The following CTDSP2 variants were observed in gnomAD, a reference collection of about 807,000 sequenced individuals.
CTDSP2 encodes the protein CTD small phosphatase 2, also known as carboxy-terminal domain RNA polymerase II polypeptide A small phosphatase 2.
A neutral mutation model predicts 31.6 loss-of-function variants in CTDSP2; 9 were observed. The ratio of observed to expected loss-of-function variants is 0.28; its 90% CI spans 0.17 to 0.50. The LOEUF (loss-of-function observed/expected upper bound fraction) is 0.50. CTDSP2 is among the 20% of genes least tolerant of loss of function. The pLI, the probability that CTDSP2 is intolerant of heterozygous loss-of-function variation, is 0.98. For missense variants in CTDSP2, 267 were observed against 348.5 expected (o/e 0.77, Z 1.86); for synonymous variants, 134 against 134.5 (o/e 1.00, Z 0.03).
intron 4 of CTDSP2, 50 bp downstream of exon 4, chr12:57,826,946 C>A: frequency 7.1e-7 from 1 of 1,401,262 alleles, no homozygotes; most frequent in South Asian, 1.2e-5. Flanking sequence ...TTGCCAGATT[C>A]ACAAGAAGGC....
At chr12:57,843,196 G>C (rs888745656) in intron 1 of CTDSP2, among the ~76,000 whole-genome samples, 2 of 152,228 alleles carry the variant, frequency 1.3e-5, no homozygotes, top group Non-Finnish European at 2.9e-5. Context: ...GGAGGTTACA[G>C]CGTGGGTCTT....
At position 57,826,328 on chromosome 12, in the gene CTDSP2, G is replaced by A. The variant is rs1478180441; in HGVS notation, c.411+18C>T. 4.3e-6 allele frequency: 7 copies of A among 1,613,176 alleles called. No homozygotes were observed. Among genetic ancestry groups the A allele is most frequent in the African/African-American group, 4.0e-5 (3 of 74,904 alleles). On this transcript the variant is annotated intron_variant, in intron 5 of 7. Transcript: ENST00000398073. ...CCCCCCACCCTCTGGGCTGGGTGTG[G>A]TCTGGCTGGCAGCTCACCTGGTGAG...
intron 1 of CTDSP2, among the ~76,000 whole-genome samples, chr12:57,840,347 T>G (rs1592243159): frequency 6.6e-6 from 1 of 152,252 alleles, no homozygotes; most frequent in East Asian, 1.9e-4. Flanking sequence ...TCAGCCAAAG[T>G]CCCCTTGGCC....
rs1183848652 is a variant in CTDSP2, at chr12:57,823,584, G to C, written c.*18C>G. ...AAAGTCCCCTACTGGGATGGCCGTCGCTTGGAAGCAGGGCAGGCTAAGGGG... is the reference window on the plus strand; with the variant it reads ...AAAGTCCCCTACTGGGATGGCCGTCCCTTGGAAGCAGGGCAGGCTAAGGGG... On this transcript the variant is annotated 3_prime_UTR_variant, in exon 8 of 8. Transcript: ENST00000398073. The C allele has an allele frequency of 6.2e-7, 1 of 1,612,918 alleles. No homozygotes were observed. Among genetic ancestry groups the C allele is most frequent in the Non-Finnish European group, 8.5e-7 (1 of 1,179,748 alleles).
rs74568739 is a variant in CTDSP2 at position 57,823,958 on chromosome 12, C to T, written c.636G>A (p.Lys212=). ...CAGGCGAGTTGTCCAGGATGAGGGT[C>T]TTTCTCAGGTCCCTCCCCAGGCGGC... The part of the protein sequence containing the change: ...DLSRLGRDLR[K]TLILDNSPAS... The change falls in exon 7 of 8, where the codon AAG becomes AAA. Residue 212 remains lysine, a synonymous_variant. Coordinates refer to ENST00000398073, the MANE Select transcript of CTDSP2 (RefSeq NM_005730.4). 1.2e-6 allele frequency: 2 copies of T among 1,613,978 alleles called. No homozygotes were observed. Among genetic ancestry groups the T allele is most frequent in the African/African-American group, 1.3e-5 (1 of 74,880 alleles).
At position 57,821,818 on chromosome 12, in the gene CTDSP2, G is replaced by C. The variant is rs1294691658; in HGVS notation, c.*1784C>G. 6.6e-6 allele frequency: 1 copy of C among 152,260 alleles called. No homozygotes were observed. Among genetic ancestry groups the C allele is most frequent in the Non-Finnish European group, 1.5e-5 (1 of 68,072 alleles). 9.4% of individuals were successfully genotyped at this position (152,260 alleles called of 1,614,324 possible). ...CTGTTCCACTTTATGATTCCAAAGA[G>C]AAAGACAAGGCCTTATAACCTTGGG... On this transcript the variant is annotated 3_prime_UTR_variant, in exon 8 of 8. Transcript: ENST00000398073.
At chr12:57,841,765 TC>T (rs1956283743) in intron 1 of CTDSP2, among the ~76,000 whole-genome samples, 1 of 152,200 alleles carries the variant, frequency 6.6e-6, no homozygotes, top group African/African-American at 2.4e-5. Flanking sequence ...TTACACTGTG[TC>T]CTTGGGGGAA....
chr12:57,828,289 C>A (rs1484464438), intron 2 of CTDSP2, among the ~76,000 whole-genome samples: 1 of 152,094 alleles, frequency 6.6e-6, no homozygotes, highest in Non-Finnish European at 1.5e-5. Flanking sequence ...CGTGGTGGCA[C>A]ATGCCTGTAA....
chr12:57,837,449 G>A (rs754227559), intron 1 of CTDSP2, among the ~76,000 whole-genome samples: 2 of 152,168 alleles, frequency 1.3e-5, no homozygotes, highest in South Asian at 2.1e-4. Context: ...TAACACTTTG[G>A]GGGGCAAAGG....
chr12:57,823,190 T>A lies in CTDSP2; in HGVS notation c.*412A>T, dbSNP rs1354934318. Reference sequence around the variant, plus strand: ...GCCTTACAACACTGAGGAAAGGCCATGGTTTGGCAATGGAGTCTTCAATAG... The same window carrying A: ...GCCTTACAACACTGAGGAAAGGCCAAGGTTTGGCAATGGAGTCTTCAATAG... On this transcript the variant is annotated 3_prime_UTR_variant, in exon 8 of 8. Transcript: ENST00000398073. 1 of 210,078 alleles carries A rather than the reference T, an allele frequency of 4.8e-6. No individual in the cohort carries two copies. Among genetic ancestry groups the A allele is most frequent in the Non-Finnish European group, 9.9e-6 (1 of 101,380 alleles). 13.0% of individuals were successfully genotyped at this position (210,078 alleles called of 1,614,324 possible).
chr12:57,832,397 C>T (rs564846638), intron 1 of CTDSP2, among the ~76,000 whole-genome samples: 1 of 152,120 alleles, frequency 6.6e-6, no homozygotes, highest in East Asian at 1.9e-4. Flanking sequence ...CTCAAAGAGT[C>T]CAGGATAAGC....
At chr12:57,844,725 G>A (rs1956303414) in intron 1 of CTDSP2, among the ~76,000 whole-genome samples, 1 of 152,054 alleles carries the variant, frequency 6.6e-6, no homozygotes, top group Non-Finnish European at 1.5e-5. Context: ...GTTGCTGCCT[G>A]GGTCACAGCC....
rs775857827 is a variant in CTDSP2 at position 57,820,131 on chromosome 12, G to A, written c.*3471C>T. 1 of 152,506 alleles carries A rather than the reference G, an allele frequency of 6.6e-6. No homozygotes were observed. The highest frequency in any genetic ancestry group is 2.4e-5 in the African/African-American group (1 of 41,406). 9.4% of individuals were successfully genotyped at this position (152,506 alleles called of 1,614,324 possible). On this transcript the variant is annotated 3_prime_UTR_variant, in exon 8 of 8. Transcript: ENST00000398073. ...GAAGCAGATCCCCTACCCTCCAAAT[G>A]GCATCTTGAAGGGGGAAAGCGGCAC...
chr12:57,831,103 TAA>T (rs11309444), intron 1 of CTDSP2, among the ~76,000 whole-genome samples: 2,241 of 121,616 alleles, frequency 0.018, 25 homozygotes, highest in African/African-American at 0.026. Context: ...GCCAAGCAGA[TAA>T]AAAAAAAAAA....
chr12:57,823,418 G>C lies in CTDSP2; in HGVS notation c.*184C>G, dbSNP rs903161715. ...ACAAGTTGGCGGCAGGTAGCTCTGG[G>C]TATCATTGGTCTGGCATTCGCCCAC... is the stretch of plus-strand genomic sequence containing the variant. On this transcript the variant is annotated 3_prime_UTR_variant, in exon 8 of 8. Transcript: ENST00000398073. 8 of 632,580 alleles carry C rather than the reference G, an allele frequency of 1.3e-5. No individual in the cohort carries two copies. The highest frequency in any genetic ancestry group is 1.1e-4 in the Admixed American group (4 of 35,082). 39.2% of individuals were successfully genotyped at this position (632,580 alleles called of 1,614,324 possible). A position where few individuals can be genotyped will look rare whatever the true frequency, so the allele number is the denominator to read the frequency against.
chr12:57,846,573 T>C lies in CTDSP2; in HGVS notation c.-138A>G, dbSNP rs1366441445. 3 of 682,624 alleles carry C rather than the reference T, an allele frequency of 4.4e-6. No individual in the cohort carries two copies. In the East Asian group the frequency reaches 1.0e-4, roughly 24 times the overall value. 42.3% of individuals were successfully genotyped at this position (682,624 alleles called of 1,614,324 possible). ...TCCACAGCTGTTCACATCCCCCCTC[T>C]CGTTTCCTCCCCGGACCGGGAAGGG... On this transcript the variant is annotated 5_prime_UTR_variant, in exon 1 of 8. Transcript: ENST00000398073.
chr12:57,825,061 G>A (rs916374567), intron 5 of CTDSP2, among the ~76,000 whole-genome samples: 1 of 151,980 alleles, frequency 6.6e-6, no homozygotes, highest in Non-Finnish European at 1.5e-5. Flanking sequence ...GCTATGTGAG[G>A]CCAGGCTGGT....
At chr12:57,831,954 G>A (rs1033633638) in intron 1 of CTDSP2, among the ~76,000 whole-genome samples, 2 of 152,206 alleles carry the variant, frequency 1.3e-5, no homozygotes, top group African/African-American at 2.4e-5. Context: ...CTGGAGAGGA[G>A]CAGGGAAAGA....
At chr12:57,828,935 T>C (rs1236403249) in intron 2 of CTDSP2, among the ~76,000 whole-genome samples, 3 of 152,330 alleles carry the variant, frequency 2.0e-5, no homozygotes, top group East Asian at 3.9e-4. Flanking sequence ...AACAGCATGG[T>C]AGAGTTTCAA....
Sources: allele counts gnomAD v4.1 joint callset (sites outside exome capture counted in the v4.1 genomes callset), GRCh38; gene constraint gnomAD v4.1.1; transcripts MANE v1.5; gene names NCBI Gene and HGNC (gene_info 2026-07-23, HGNC 2026-07-21).